The following CDC40 variants were observed in gnomAD, a reference collection of about 807,000 sequenced individuals.
CDC40 encodes pre-mRNA-processing factor 17.
CDC40 carries 27 observed loss-of-function variants against 80.6 expected under a neutral mutation model. The ratio of observed to expected loss-of-function variants is 0.33; its 90% confidence interval spans 0.25 to 0.46. The LOEUF (loss-of-function observed/expected upper bound fraction) is 0.46. CDC40 is among the 20% of genes least tolerant of loss of function. The pLI is 1.00. For synonymous variants in CDC40, 221 were observed against 232.6 expected (o/e 0.95, Z 0.45); for missense variants, 486 against 694.1 (o/e 0.70, Z 3.37).
At chr6:110,220,378 G>GT (rs1443020347) in intron 12 of CDC40, among the ~76,000 whole-genome samples, 1 of 151,148 alleles carries the variant, frequency 6.6e-6, no homozygotes, top group Middle Eastern at 3.2e-3. Context: ...CAAAAGAAAG[G>GT]TTTAATGAAC....
chr6:110,204,866 A>G (rs538654427), intron 3 of CDC40, among the ~76,000 whole-genome samples: 39 of 151,954 alleles, frequency 2.6e-4, no homozygotes, highest in Non-Finnish European at 5.2e-4. Flanking sequence ...GGGTTTTACC[A>G]TATTGGCCAG....
intron 3 of CDC40, among the ~76,000 whole-genome samples, chr6:110,206,381 T>C (rs1777562853): frequency 6.6e-6 from 1 of 152,186 alleles, no homozygotes; most frequent in Admixed American, 6.5e-5. Context: ...TACACATGAG[T>C]TGTAGGCCAT....
intron 10 of CDC40, among the ~76,000 whole-genome samples, chr6:110,218,158 G>C (rs1050727053): frequency 6.6e-6 from 1 of 152,190 alleles, no homozygotes; most frequent in African/African-American, 2.4e-5. Context: ...AAAATTAAAT[G>C]TATTTGCGCA....
At chr6:110,182,501 G>A (rs900863443) in intron 1 of CDC40, among the ~76,000 whole-genome samples, 8 of 152,262 alleles carry the variant, frequency 5.3e-5, no homozygotes, top group Non-Finnish European at 1.2e-4. Flanking sequence ...AGTTGAAGCC[G>A]AGAACAAAGA....
At chr6:110,180,954 C>G (rs900569497) in intron 1 of CDC40, among the ~76,000 whole-genome samples, 3 of 152,202 alleles carry the variant, frequency 2.0e-5, no homozygotes, top group Admixed American at 2.0e-4. Context: ...TAGATCAGGA[C>G]TTCCCAAACT....
intron 11 of CDC40, 40 bp downstream of exon 11, chr6:110,219,519 T>A: frequency 8.2e-7 from 1 of 1,221,796 alleles, no homozygotes. Context: ...TCCTAAGCTT[T>A]ATGTTGTATA....
intron 1 of CDC40, among the ~76,000 whole-genome samples, chr6:110,182,589 A>G (rs1777213454): frequency 1.3e-5 from 2 of 152,112 alleles, no homozygotes; most frequent in African/African-American, 2.4e-5. Context: ...TGTTTCATTA[A>G]TTTCTCTCAC....
chr6:110,226,698 C>T (rs530730614), intron 13 of CDC40, among the ~76,000 whole-genome samples: 67 of 151,946 alleles, frequency 4.4e-4, no homozygotes, highest in Non-Finnish European at 8.1e-4. Context: ...CAGGCCTAAG[C>T]CACTATGCCC....
chr6:110,219,375 T>C lies in CDC40; in HGVS notation c.1102T>C (p.Ser368Pro), dbSNP rs762801722. 6.5e-7 allele frequency: 1 copy of C among 1,536,160 alleles called. No homozygotes were observed. Residue 368 changes from serine to proline, a missense_variant, in exon 11 of 15, where the codon TCA (serine) becomes CCA (proline). Around this residue, in one of 3 missense-constraint regions of CDC40, gnomAD observed 381 missense variants for 492.1 expected, o/e 0.77. Coordinates refer to ENST00000307731, the MANE Select transcript of CDC40 (RefSeq NM_015891.3). Reference sequence around the variant, plus strand: ...GTCTTTGGTTTTAGGACAGTGTATATCAAGATTTACAAACCGAAAAGTACC... The same window carrying C: ...GTCTTTGGTTTTAGGACAGTGTATACCAAGATTTACAAACCGAAAAGTACC... Reference protein sequence around the residue: ...LWDTETGQCISRFTNRKVPYC... With the variant: ...LWDTETGQCIPRFTNRKVPYC...
Position 110,180,464 on chromosome 6 carries a change from C to T in CDC40, c.20C>T (p.Ala7Val), listed in dbSNP as rs1777163574. The T allele has an allele frequency of 6.2e-7, 1 of 1,614,192 alleles. No homozygotes were observed. Among genetic ancestry groups the T allele is most frequent in the Non-Finnish European group, 8.5e-7 (1 of 1,180,034 alleles). Residue 7 changes from alanine (A) to valine (V), a missense_variant, in exon 1 of 15, where the codon GCT (alanine) becomes GTT (valine). Ala to Val is a moderately conservative substitution (Grantham distance 64). Transcript: ENST00000307731. ...GCCGTCATGTCGGCTGCGATTGCAG[C>T]TCTGGCCGCTTCCTATGGTTCGGGT... MSAAIA[A>V]LAASYGSGSG...
intron 3 of CDC40, 88 bp from the exon 4 acceptor site, chr6:110,207,418 A>G: frequency 1.4e-6 from 1 of 708,444 alleles, no homozygotes; most frequent in Non-Finnish European, 2.5e-6. Flanking sequence ...TGGGAAAGAA[A>G]ATGTGAAATG....
At chr6:110,193,398 GCTT>G (rs1184641086) in intron 2 of CDC40, 130 bp downstream of exon 2, 1 of 593,008 alleles carries the variant, frequency 1.7e-6, no homozygotes, top group Non-Finnish European at 3.0e-6. Context: ...GAAAATACAT[GCTT>G]CTTTTTTGTT....
chr6:110,188,532 C>A (rs1431280537), intron 1 of CDC40, among the ~76,000 whole-genome samples: 2 of 152,094 alleles, frequency 1.3e-5, no homozygotes, highest in African/African-American at 4.8e-5. Flanking sequence ...TCTTAAGGGT[C>A]TTAATTTGAA....
chr6:110,206,710 A>G (rs1777566993), intron 3 of CDC40, among the ~76,000 whole-genome samples: 1 of 152,222 alleles, frequency 6.6e-6, no homozygotes, highest in Non-Finnish European at 1.5e-5. Flanking sequence ...TTTCAAAATA[A>G]TAGCTAGATT....
chr6:110,189,682 ATG>A (rs1182449679), intron 1 of CDC40, among the ~76,000 whole-genome samples: 2 of 152,038 alleles, frequency 1.3e-5, no homozygotes, highest in African/African-American at 4.8e-5. Flanking sequence ...CCTTTTTGTC[ATG>A]TGTCTCTCCC....
chr6:110,185,713 AAGAT>A (rs1459903408), intron 1 of CDC40, among the ~76,000 whole-genome samples: 1 of 152,146 alleles, frequency 6.6e-6, no homozygotes, highest in African/African-American at 2.4e-5. Context: ...TAACCACAAA[AAGAT>A]AGCTATAAAA....
chr6:110,206,217 A>C (rs865856766), intron 3 of CDC40, among the ~76,000 whole-genome samples: 6 of 152,172 alleles, frequency 3.9e-5, no homozygotes, highest in Non-Finnish European at 8.8e-5. Flanking sequence ...AGCTCACTGC[A>C]AGCTACACCT....
intron 9 of CDC40, among the ~76,000 whole-genome samples, chr6:110,216,289 A>G (rs989568191): frequency 1.3e-5 from 2 of 152,198 alleles, no homozygotes; most frequent in Non-Finnish European, 2.9e-5. Context: ...CTCATTCCAA[A>G]TTTAACTGTA....
chr6:110,209,176 C>T lies in CDC40; in HGVS notation c.583C>T (p.Pro195Ser). The T allele has an allele frequency of 6.2e-7, 1 of 1,611,704 alleles. No individual in the cohort carries two copies. The highest frequency in any genetic ancestry group is 8.5e-7 in the Non-Finnish European group (1 of 1,178,494). The change falls in exon 5 of 15, where the codon CCA (proline) becomes TCA (serine). Residue 195 changes from proline (P) to serine (S), a missense_variant. Pro to Ser is a moderately conservative substitution (Grantham distance 74). Around this residue, in one of 3 missense-constraint regions of CDC40, gnomAD observed 381 missense variants for 492.1 expected, o/e 0.77. Coordinates refer to ENST00000307731, the MANE Select transcript of CDC40 (RefSeq NM_015891.3). Reference protein sequence around the residue: ...DASNIDGFLGPWAKYVDEKDV... With the variant: ...DASNIDGFLGSWAKYVDEKDV... Reference sequence around the variant, plus strand: ...ATCCAATATTGATGGTTTTTTGGGACCATGGGCAAAATATGTGGATGAAAA... The same window carrying T: ...ATCCAATATTGATGGTTTTTTGGGATCATGGGCAAAATATGTGGATGAAAA...
Sources: allele counts gnomAD v4.1 joint callset (sites outside exome capture counted in the v4.1 genomes callset), GRCh38; gene constraint gnomAD v4.1.1; regional missense constraint gnomAD v4.1.1; transcripts MANE v1.5; gene names NCBI Gene and HGNC (gene_info 2026-07-23, HGNC 2026-07-21).